PTPRM: variants seen among roughly 807,000 people sequenced by gnomAD.
PTPRM encodes the protein receptor-type tyrosine-protein phosphatase mu.
In PTPRM, 47 loss-of-function variants were observed where a neutral mutation model predicts 186.7. The ratio of observed to expected loss-of-function variants is 0.25; its 90% confidence interval spans 0.20 to 0.32. The LOEUF (loss-of-function observed/expected upper bound fraction) is 0.32. Among genes scored for constraint, PTPRM ranks in the 10% least tolerant of loss-of-function variants. The pLI is 1.00. For missense variants in PTPRM, 1,494 were observed against 1,865.0 expected (o/e 0.80, Z 3.66); for synonymous variants, 668 against 674.9 (o/e 0.99, Z 0.16).
chr18:7,772,351 CTTTCTTT>C (rs2042328295), intron 1 of PTPRM, among the ~76,000 whole-genome samples: 1 of 14,370 alleles, frequency 7.0e-5, no homozygotes, highest in Non-Finnish European at 1.8e-4. Flanking sequence ...CTTTCTTTCT[CTTTCTTT>C]CTTTCTTTCT....
intron 14 of PTPRM, among the ~76,000 whole-genome samples, chr18:8,183,708 G>A (rs886465356): frequency 3.3e-5 from 5 of 152,218 alleles, no homozygotes; most frequent in Admixed American, 6.5e-5. Context: ...ATAATCAATG[G>A]GAGGAATGAA....
chr18:8,081,564 T>C (rs1218181553), intron 9 of PTPRM, among the ~76,000 whole-genome samples: 5 of 152,190 alleles, frequency 3.3e-5, no homozygotes, highest in Non-Finnish European at 7.3e-5. Context: ...TGAAACCATA[T>C]GGACATTTGA....
At chr18:8,389,462 C>T (rs1389610816) in intron 31 of PTPRM, among the ~76,000 whole-genome samples, 2 of 152,182 alleles carry the variant, frequency 1.3e-5, no homozygotes, top group Non-Finnish European at 2.9e-5. Flanking sequence ...AGCAATCAGC[C>T]GTTCTTCACA....
At chr18:8,065,655 A>G (rs533339831) in intron 7 of PTPRM, among the ~76,000 whole-genome samples, 2 of 152,334 alleles carry the variant, frequency 1.3e-5, no homozygotes, top group South Asian at 2.1e-4. Context: ...TGGCTTTGCT[A>G]TCAATTCCAT....
chr18:7,801,555 C>T (rs574011474), intron 2 of PTPRM, among the ~76,000 whole-genome samples: 4 of 152,254 alleles, frequency 2.6e-5, no homozygotes, highest in African/African-American at 9.6e-5. Flanking sequence ...GGAGTACACT[C>T]TAAAATAACA....
chr18:8,065,991 C>T (rs2089042102), intron 7 of PTPRM, among the ~76,000 whole-genome samples: 1 of 152,060 alleles, frequency 6.6e-6, no homozygotes, highest in African/African-American at 2.4e-5. Context: ...AGTAAATGTC[C>T]CTGTGGAATG....
rs137880209 is a variant in PTPRM at position 7,992,005 on chromosome 18, C to T, written c.1132+36591C>T. 9.5e-3 allele frequency among the ~76,000 whole-genome samples: 1,448 copies of T among 152,166 alleles called. 7 individuals are homozygous for T. Among genetic ancestry groups the T allele is most frequent in the South Asian group, 0.033 (161 of 4,826 alleles). On this transcript the variant is annotated intron_variant, in intron 7 of 32. Coordinates refer to ENST00000580170, the MANE Select transcript of PTPRM (RefSeq NM_001105244.2). ...ATCGACCAGCCTCCAGAAAAAGATA[C>T]ATGATAAGGTAAAGAAAGTTAGTCA... is the stretch of plus-strand genomic sequence containing the variant.
intron 22 of PTPRM, among the ~76,000 whole-genome samples, chr18:8,341,413 G>A (rs943785271): frequency 7.2e-5 from 11 of 152,152 alleles, no homozygotes; most frequent in East Asian, 3.9e-4. Flanking sequence ...GTTCCCCTCC[G>A]GGAGGGGTCT....
At chr18:8,215,545 CTTTTTT>C (rs11334182) in intron 14 of PTPRM, among the ~76,000 whole-genome samples, 2 of 116,324 alleles carry the variant, frequency 1.7e-5, no homozygotes, top group Admixed American at 9.3e-5. Flanking sequence ...TCTTTCTTTT[CTTTTTT>C]TTTTTTTTTT....
intron 3 of PTPRM, among the ~76,000 whole-genome samples, chr18:7,904,541 T>A (rs2049876686): frequency 6.6e-6 from 1 of 152,174 alleles, no homozygotes; most frequent in African/African-American, 2.4e-5. Context: ...GGAGTGGTGT[T>A]TTTCACTCAC....
intron 31 of PTPRM, among the ~76,000 whole-genome samples, chr18:8,390,585 A>C (rs1383618236): frequency 6.6e-6 from 1 of 152,170 alleles, no homozygotes; most frequent in East Asian, 1.9e-4. Context: ...ATGATAGACA[A>C]CTCAATTTAT....
chr18:7,782,283 G>T (rs1209405857), intron 2 of PTPRM, among the ~76,000 whole-genome samples: 2 of 152,042 alleles, frequency 1.3e-5, no homozygotes, highest in Admixed American at 1.3e-4. Context: ...TTCTTCCCAT[G>T]AGGGAGATGC....
At chr18:7,884,827 G>A (rs1025333735) in intron 2 of PTPRM, among the ~76,000 whole-genome samples, 1 of 149,060 alleles carries the variant, frequency 6.7e-6, no homozygotes, top group African/African-American at 2.5e-5. Flanking sequence ...AGGAGGCTGA[G>A]GCAGGAGAAT....
rs2036467309 is a variant in PTPRM at position 7,567,947 on chromosome 18, G to A, written c.73+56G>A. 1.9e-5 allele frequency: 28 copies of A among 1,495,866 alleles called. No individual in the cohort carries two copies. The highest frequency in any genetic ancestry group is 2.9e-5 in the African/African-American group (2 of 68,012). 92.7% of individuals were successfully genotyped at this position (1,495,866 alleles called of 1,614,324 possible). ...GCGCGCGGGCCGGCGCGGGACGCCC[G>A]GGACGCCGACAGCTCCCTGGTGGTA... On this transcript the variant is annotated intron_variant, in intron 1 of 32. Transcript: ENST00000580170. The surrounding 1 kb of genome is among the most constrained non-coding windows in gnomAD (Gnocchi z 4.3).
intron 14 of PTPRM, among the ~76,000 whole-genome samples, chr18:8,175,498 T>G (rs2093467611): frequency 6.6e-6 from 1 of 152,238 alleles, no homozygotes; most frequent in Non-Finnish European, 1.5e-5. Flanking sequence ...AAGGTACTGT[T>G]TCTTAATATG....
chr18:7,966,126 A>G (rs920841307), intron 7 of PTPRM, among the ~76,000 whole-genome samples: 3 of 152,234 alleles, frequency 2.0e-5, no homozygotes, highest in African/African-American at 4.8e-5. Context: ...GTAATTACCT[A>G]TTAGAATAAA....
At chr18:8,191,007 G>A (rs1190529267) in intron 14 of PTPRM, among the ~76,000 whole-genome samples, 7 of 152,194 alleles carry the variant, frequency 4.6e-5, no homozygotes, top group Admixed American at 4.6e-4. Context: ...GCCTGCTAAG[G>A]ACACAGCTGG....
At chr18:7,870,240 T>G (rs2047916544) in intron 2 of PTPRM, among the ~76,000 whole-genome samples, 1 of 152,186 alleles carries the variant, frequency 6.6e-6, no homozygotes, top group South Asian at 2.1e-4. Context: ...ACATAAATGT[T>G]TTTCTGCAGA....
At chr18:7,948,130 T>TACACACACACACACACACACACACACAC (rs57918724) in intron 5 of PTPRM, among the ~76,000 whole-genome samples, 1 of 137,816 alleles carries the variant, frequency 7.3e-6, no homozygotes, top group Non-Finnish European at 1.6e-5. Flanking sequence ...GATTATAAAA[T>TACACACACACACACACACACACACACAC]ACACACACAC....
Sources: allele counts gnomAD v4.1 joint callset (sites outside exome capture counted in the v4.1 genomes callset), GRCh38; gene constraint gnomAD v4.1.1; non-coding constraint Gnocchi (gnomAD v3.1); transcripts MANE v1.5; gene names NCBI Gene and HGNC (gene_info 2026-07-23, HGNC 2026-07-21).